CHD1L: variants seen among roughly 807,000 people sequenced by gnomAD.
CHD1L encodes ATP-dependent chromatin remodeler CHD1L.
A neutral mutation model predicts 115.9 loss-of-function variants in CHD1L; 118 were observed. That is an observed-to-expected ratio of 1.02 (90% CI 0.88 to 1.19). CHD1L has a LOEUF of 1.19. CHD1L is among the 50% of genes most tolerant of loss of function. The pLI is 0.00. For missense variants in CHD1L, 1,179 were observed against 1,065.3 expected (o/e 1.11, Z -1.49); for synonymous variants, 411 against 387.1 (o/e 1.06, Z -0.72).
intron 1 of CHD1L, among the ~76,000 whole-genome samples, chr1:147,246,204 T>G (rs1553933747): frequency 2.6e-5 from 4 of 152,326 alleles, no homozygotes; most frequent in African/African-American, 9.6e-5. Flanking sequence ...CTCTGGAGAT[T>G]CATCCAGGTC....
At chr1:147,228,532 G>A in the CHD1L span, among the ~76,000 whole-genome samples, 1 of 152,140 alleles carries the variant, frequency 6.6e-6, no homozygotes, top group Non-Finnish European at 1.5e-5. Context: ...CCCAGTAATG[G>A]GATGGTTGGG....
the CHD1L span, among the ~76,000 whole-genome samples, chr1:147,193,885 T>C: frequency 2.0e-5 from 3 of 152,164 alleles, no homozygotes; most frequent in African/African-American, 7.2e-5. Flanking sequence ...TTTGTTATAA[T>C]TTCTGTTCTT....
chr1:147,200,284 T>G, the CHD1L span, among the ~76,000 whole-genome samples: 1 of 152,212 alleles, frequency 6.6e-6, no homozygotes. Flanking sequence ...CCATGTGCCT[T>G]CCCTTCAGAT....
At chr1:147,201,412 G>A in the CHD1L span, 156 of 1,613,952 alleles carry the variant, frequency 9.7e-5, 1 homozygote, top group Non-Finnish European at 1.1e-4. Flanking sequence ...AGCTGTCTCC[G>A]TGAATTCCTT....
At chr1:147,192,929 G>T in the CHD1L span, among the ~76,000 whole-genome samples, 1 of 152,272 alleles carries the variant, frequency 6.6e-6, no homozygotes, top group East Asian at 1.9e-4. Flanking sequence ...TTTTATTGAG[G>T]ATTTTTGCAT....
intron 19 of CHD1L, among the ~76,000 whole-genome samples, chr1:147,288,930 AATTATT>A (rs781931679): frequency 6.6e-6 from 1 of 152,096 alleles, no homozygotes; most frequent in Non-Finnish European, 1.5e-5. Flanking sequence ...GCAAGAATAA[AATTATT>A]ATTGTGGTGA....
chr1:147,206,365 C>G, the CHD1L span, among the ~76,000 whole-genome samples: 2 of 151,800 alleles, frequency 1.3e-5, no homozygotes, highest in South Asian at 4.2e-4. Flanking sequence ...GTGGCGATTC[C>G]TCAAAAAGAA....
chr1:147,221,148 T>G, the CHD1L span, among the ~76,000 whole-genome samples: 3 of 151,834 alleles, frequency 2.0e-5, no homozygotes, highest in African/African-American at 7.3e-5. Flanking sequence ...ACAAGGAAAG[T>G]CTAAGAAATT....
At chr1:147,242,658 G>A (rs587608606), upstream of CHD1L, 8 of 1,260,856 alleles carry the variant, frequency 6.3e-6, no homozygotes, top group South Asian at 2.2e-4. Flanking sequence ...GAAGTTGGGA[G>A]GGAGGTGCGC....
chr1:147,176,311 C>T, the CHD1L span: 5 of 141,200 alleles, frequency 3.5e-5, no homozygotes, highest in East Asian at 9.7e-4. Context: ...CAGAATTTTC[C>T]CCAAATAGTA....
At chr1:147,274,322 C>T (rs1260056045) in intron 12 of CHD1L, among the ~76,000 whole-genome samples, 1 of 152,164 alleles carries the variant, frequency 6.6e-6, no homozygotes, top group Non-Finnish European at 1.5e-5. Context: ...GTGTCATTAT[C>T]ATTATTATTA....
the CHD1L span, among the ~76,000 whole-genome samples, chr1:147,194,813 T>C: frequency 2.0e-5 from 3 of 152,028 alleles, no homozygotes; most frequent in African/African-American, 7.3e-5. Flanking sequence ...AATTCTTTTC[T>C]TTAAGAATGT....
At chr1:147,258,653 T>G (rs1479080927) in intron 5 of CHD1L, among the ~76,000 whole-genome samples, 1 of 152,220 alleles carries the variant, frequency 6.6e-6, no homozygotes, top group African/African-American at 2.4e-5. Context: ...CATAGGGACC[T>G]CTGTTCCTCT....
chr1:147,268,311 A>C (rs1226325715), intron 9 of CHD1L, among the ~76,000 whole-genome samples: 3 of 152,258 alleles, frequency 2.0e-5, no homozygotes, highest in Admixed American at 6.5e-5. Flanking sequence ...TGGAGACTCT[A>C]GATAGGATCA....
chr1:147,174,929 A>G, the CHD1L span: 1 of 152,156 alleles, frequency 6.6e-6, no homozygotes, highest in Non-Finnish European at 1.5e-5. Context: ...TGCCTAATAA[A>G]CAGAAAAATA....
intron 20 of CHD1L, among the ~76,000 whole-genome samples, chr1:147,292,091 C>T (rs1300236440): frequency 2.0e-5 from 3 of 152,250 alleles, no homozygotes; most frequent in African/African-American, 4.8e-5. Context: ...CCCGGAGCAC[C>T]GTCCAGATAG....
chr1:147,286,496 C>T lies in CHD1L; in HGVS notation c.2217C>T (p.Cys739=), dbSNP rs138910369. ...AGAEDALIVH[C]VDDSGHWGRG... Reference sequence around the variant, plus strand: ...CCGAGGATGCTCTCATTGTGCACTGCGTAGGTACGAGAAGTGGTATGGGCT... The same window carrying T: ...CCGAGGATGCTCTCATTGTGCACTGTGTAGGTACGAGAAGTGGTATGGGCT... Residue 739 remains cysteine (C), a synonymous_variant, in exon 18 of 23, where the codon TGC becomes TGT. Transcript: ENST00000369258. The T allele has an allele frequency of 2.2e-4, 352 of 1,613,314 alleles. 2 individuals are homozygous for T. In the East Asian group the frequency reaches 6.5e-3, roughly 30 times the overall value.
At chr1:147,294,783 G>C (rs1686938997) in intron 22 of CHD1L, among the ~76,000 whole-genome samples, 1 of 152,182 alleles carries the variant, frequency 6.6e-6, no homozygotes, top group African/African-American at 2.4e-5. Flanking sequence ...TTGAGCAATT[G>C]TTAATTTGGT....
intron 12 of CHD1L, 173 bp downstream of exon 12, chr1:147,272,454 A>T (rs1011964783): frequency 1.6e-4 from 82 of 512,002 alleles, no homozygotes; most frequent in African/African-American, 1.5e-3. Context: ...CAGCCTGTCC[A>T]AACTGTCATC....
Sources: gnomAD v4.1 joint callset for allele counts (sites outside exome capture counted in the v4.1 genomes callset) on GRCh38, gnomAD v4.1.1 for gene constraint, MANE v1.5 for transcripts, NCBI Gene and HGNC (gene_info 2026-07-23, HGNC 2026-07-21) for gene names.